Variants in GTF2E2 observed in about 807,000 individuals in gnomAD.
GTF2E2 encodes the protein general transcription factor IIE subunit 2, also known as transcription initiation factor IIE subunit beta.
Under a neutral mutation model 40.5 loss-of-function variants are expected in GTF2E2, and 21 were observed. The observed-to-expected ratio is 0.52, with a 90% CI of 0.37 to 0.75. The LOEUF (loss-of-function observed/expected upper bound fraction) is 0.75. Among genes scored for constraint, GTF2E2 ranks in the 30% least tolerant of loss-of-function variants. GTF2E2 has a pLI of 0.00. For missense variants in GTF2E2, 298 were observed against 338.4 expected (o/e 0.88, Z 0.94); for synonymous variants, 117 against 121.6 (o/e 0.96, Z 0.25).
rs182624017 is a variant in GTF2E2, at chr8:30,589,533, C to G, written c.644-9137G>C. ...CTATGACTGTGCCATTACATTCCAGCCTGAGCAACAGAGCAAGACGCTGTC... is the reference window on the plus strand; with the variant it reads ...CTATGACTGTGCCATTACATTCCAGGCTGAGCAACAGAGCAAGACGCTGTC... On this transcript the variant is annotated intron_variant, in intron 6 of 7. Transcript: ENST00000355904. 2.4e-3 allele frequency among the ~76,000 whole-genome samples: 373 copies of G among 152,248 alleles called. 1 individual carries two copies. Among genetic ancestry groups the G allele is most frequent in the Non-Finnish European group, 4.0e-3 (269 of 68,020 alleles).
chr8:30,579,927 A>G (rs369483405), intron 7 of GTF2E2, among the ~76,000 whole-genome samples: 10 of 152,318 alleles, frequency 6.6e-5, no homozygotes, highest in African/African-American at 2.4e-4. Flanking sequence ...GGCCCCGTTC[A>G]AGTCTGAAAG....
At chr8:30,634,662 T>G (rs1042960299) in intron 3 of GTF2E2, among the ~76,000 whole-genome samples, 1 of 152,206 alleles carries the variant, frequency 6.6e-6, no homozygotes, top group Non-Finnish European at 1.5e-5. Context: ...ATGTACTTTT[T>G]ACTTCTCACA....
Position 30,580,304 on chromosome 8 carries a change from G to A in GTF2E2, c.736C>T (p.Gln246Ter). 6.2e-7 allele frequency: 1 copy of A among 1,603,402 alleles called. No homozygotes were observed. The highest frequency in any genetic ancestry group is 8.5e-7 in the Non-Finnish European group (1 of 1,170,194). The change falls in exon 7 of 8, where the codon CAG (glutamine) becomes TAG (stop). Residue 246 changes from glutamine to a stop codon, truncating the protein, a stop_gained. Transcript: ENST00000355904. LOFTEE classifies it high-confidence loss of function. ...YLKRQGISSM[Q>*]ESGPKKVAPI... is the part of the protein sequence containing the mutation. ...ACCACTTTCTTTGGTCCAGATTCCT[G>A]CATGGAAGAAATACCCTGTCGCTTC...
At chr8:30,614,461 T>TC (rs1800853403) in intron 4 of GTF2E2, 147 bp downstream of exon 4, 1 of 536,832 alleles carries the variant, frequency 1.9e-6, no homozygotes, top group African/African-American at 2.0e-5. Context: ...ATGCCTGTAG[T>TC]CCCAACTACT....
At chr8:30,614,080 A>C (rs1800828004) in intron 4 of GTF2E2, among the ~76,000 whole-genome samples, 1 of 152,250 alleles carries the variant, frequency 6.6e-6, no homozygotes, top group Non-Finnish European at 1.5e-5. Context: ...AATAAGCATT[A>C]ATCTGTAAAA....
At chr8:30,653,394 C>G (rs371031821) in intron 2 of GTF2E2, 39 bp downstream of exon 2, 81 of 1,526,868 alleles carry the variant, frequency 5.3e-5, no homozygotes, top group Middle Eastern at 3.5e-4. Flanking sequence ...CCTGAATAAT[C>G]TGAATAAAAA....
intron 6 of GTF2E2, among the ~76,000 whole-genome samples, chr8:30,584,297 A>C (rs1316214380): frequency 6.6e-6 from 1 of 151,962 alleles, no homozygotes; most frequent in Admixed American, 6.6e-5. Flanking sequence ...TTTGGAATCA[A>C]TGATTTCTTC....
Position 30,580,306 on chromosome 8 carries a change from A to G in GTF2E2, c.734T>C (p.Met245Thr). 3 of 1,605,682 alleles carry G rather than the reference A, an allele frequency of 1.9e-6. No homozygotes were observed. The South Asian group carries it at 3.3e-5, about 18-fold the overall frequency. ...EYLKRQGISS[M>T]QESGPKKVAP... ...CACTTTCTTTGGTCCAGATTCCTGC[A>G]TGGAAGAAATACCCTGTCGCTTCAG... The change falls in exon 7 of 8, where the codon ATG becomes ACG. Residue 245 changes from methionine to threonine, a missense_variant. Physicochemically the swap from Met to Thr is moderately conservative, Grantham distance 81. Coordinates refer to ENST00000355904, the MANE Select transcript of GTF2E2 (RefSeq NM_002095.6).
At chr8:30,640,278 C>T (rs1380210926) in intron 2 of GTF2E2, among the ~76,000 whole-genome samples, 1 of 152,150 alleles carries the variant, frequency 6.6e-6, no homozygotes, top group Non-Finnish European at 1.5e-5. Context: ...AAGGCTTTTA[C>T]CATAAATACA....
intron 6 of GTF2E2, chr8:30,596,772 C>T (rs1184409958): frequency 7.9e-5 from 12 of 152,176 alleles, no homozygotes; most frequent in Non-Finnish European, 2.9e-5. Context: ...GGGAAATGGG[C>T]CCGCCTTTCC....
At chr8:30,635,362 T>C (rs900083988) in intron 2 of GTF2E2, among the ~76,000 whole-genome samples, 2 of 152,122 alleles carry the variant, frequency 1.3e-5, no homozygotes, top group Non-Finnish European at 2.9e-5. Flanking sequence ...AATTCTTTTA[T>C]AAATATCTTT....
At chr8:30,612,154 T>C (rs980351438) in intron 5 of GTF2E2, 145 bp downstream of exon 5, 4 of 530,436 alleles carry the variant, frequency 7.5e-6, no homozygotes, top group African/African-American at 3.8e-5. Context: ...ACAAGACAAA[T>C]TTCAAACCTT....
At chr8:30,657,171 A>G (rs1487985715) in intron 1 of GTF2E2, among the ~76,000 whole-genome samples, 1 of 152,138 alleles carries the variant, frequency 6.6e-6, no homozygotes, top group Non-Finnish European at 1.5e-5. Context: ...CTCCTTTTTC[A>G]AAGACTACCC....
chr8:30,624,967 G>C (rs1265882483), intron 3 of GTF2E2, among the ~76,000 whole-genome samples: 1 of 54,606 alleles, frequency 1.8e-5, no homozygotes. Context: ...GGGACAATTT[G>C]ACTTCCTCTT....
intron 2 of GTF2E2, chr8:30,636,915 T>G (rs1801620958): frequency 2.4e-6 from 1 of 419,414 alleles, no homozygotes; most frequent in Non-Finnish European, 4.6e-6. Context: ...GTTTCAATTA[T>G]GAAATATTAC....
chr8:30,623,067 A>G (rs1432225014), intron 3 of GTF2E2, among the ~76,000 whole-genome samples: 2 of 152,126 alleles, frequency 1.3e-5, no homozygotes, highest in African/African-American at 2.4e-5. Flanking sequence ...TGGGGAAGTG[A>G]TAAGTGCCCA....
chr8:30,639,618 C>G (rs1801739664), intron 2 of GTF2E2, among the ~76,000 whole-genome samples: 1 of 152,040 alleles, frequency 6.6e-6, no homozygotes, highest in Non-Finnish European at 1.5e-5. Context: ...TAACTGCTGA[C>G]CAAATTTCTA....
chr8:30,616,207 C>T (rs187960383), intron 3 of GTF2E2, among the ~76,000 whole-genome samples: 259 of 152,110 alleles, frequency 1.7e-3, no homozygotes, highest in African/African-American at 5.9e-3. Flanking sequence ...TTTGGGAAAA[C>T]GAAGCAGGCC....
chr8:30,656,260 G>A (rs1305624439), intron 1 of GTF2E2, among the ~76,000 whole-genome samples: 1 of 152,160 alleles, frequency 6.6e-6, no homozygotes, highest in African/African-American at 2.4e-5. Flanking sequence ...TTTTTAAACA[G>A]TAAAGTCATA....
Sources: gnomAD v4.1 joint callset for allele counts (sites outside exome capture counted in the v4.1 genomes callset) on GRCh38, gnomAD v4.1.1 for gene constraint, MANE v1.5 for transcripts, NCBI Gene and HGNC (gene_info 2026-07-23, HGNC 2026-07-21) for gene names.